Variants in ZFAND3 observed in about 807,000 individuals in gnomAD.
ZFAND3 encodes AN1-type zinc finger protein 3.
Under a neutral mutation model 29.6 loss-of-function variants are expected in ZFAND3, and 10 were observed. The observed-to-expected ratio is 0.34, with a 90% CI of 0.21 to 0.57. ZFAND3 has a LOEUF of 0.57. Among genes scored for constraint, ZFAND3 ranks in the 20% least tolerant of loss-of-function variants. The probability of loss-of-function intolerance (pLI) is 0.86; values close to 1 mark genes in which losing one functional copy is unlikely to be tolerated. For missense variants in ZFAND3, 230 were observed against 304.5 expected, an observed-to-expected ratio of 0.76 and a Z score of 1.82; for synonymous variants, 128 against 112.6, an observed-to-expected ratio of 1.14 and a Z score of -0.87.
At chr6:37,841,944 T>C (rs55837436) in intron 1 of ZFAND3, among the ~76,000 whole-genome samples, 10,136 of 152,236 alleles carry the variant, frequency 0.067, 399 homozygotes, top group Non-Finnish European at 0.085. Context: ...TTATTGCTCA[T>C]AGTTCTGGAG....
chr6:38,030,308 T>C (rs1412157875), intron 2 of ZFAND3, among the ~76,000 whole-genome samples: 1 of 151,862 alleles, frequency 6.6e-6, no homozygotes, highest in Non-Finnish European at 1.5e-5. Context: ...ATTACAGGCA[T>C]GATCTACTGC....
chr6:37,975,908 C>A (rs1762469519), intron 2 of ZFAND3, among the ~76,000 whole-genome samples: 1 of 152,102 alleles, frequency 6.6e-6, no homozygotes, highest in Admixed American at 6.5e-5. Flanking sequence ...TTGTCAGTTT[C>A]TCCCAAAAAT....
chr6:37,855,506 A>T (rs138534978), intron 1 of ZFAND3, among the ~76,000 whole-genome samples: 2 of 152,014 alleles, frequency 1.3e-5, no homozygotes, highest in Admixed American at 1.3e-4. Flanking sequence ...CCCGCCCCAT[A>T]TTCTTTGGCA....
chr6:38,133,930 G>A (rs190240989), intron 5 of ZFAND3, among the ~76,000 whole-genome samples: 45 of 152,260 alleles, frequency 3.0e-4, no homozygotes, highest in African/African-American at 1.0e-3. Context: ...CCCCAAAACA[G>A]TGAGGAGAGG....
At chr6:37,977,425 C>G (rs1762499306) in intron 2 of ZFAND3, among the ~76,000 whole-genome samples, 2 of 152,148 alleles carry the variant, frequency 1.3e-5, no homozygotes, top group South Asian at 4.1e-4. Context: ...CGTTAGCCTC[C>G]CGAGTAGCTA....
intron 4 of ZFAND3, 111 bp from the exon 5 acceptor site, chr6:38,116,461 T>A: frequency 7.7e-7 from 1 of 1,303,662 alleles, no homozygotes; most frequent in Admixed American, 2.2e-5. Flanking sequence ...CCTGTCTGAT[T>A]CCTGGACAAG....
chr6:38,024,045 C>G (rs965209357), intron 2 of ZFAND3, among the ~76,000 whole-genome samples: 9 of 152,216 alleles, frequency 5.9e-5, no homozygotes, highest in Admixed American at 3.3e-4. Flanking sequence ...ATCAAACAAA[C>G]GAGACGAAAC....
chr6:38,086,052 C>T (rs144922870), intron 4 of ZFAND3, among the ~76,000 whole-genome samples: 1 of 152,246 alleles, frequency 6.6e-6, no homozygotes, highest in East Asian at 1.9e-4. Flanking sequence ...GGTTGGTCTA[C>T]AACTATCAAA....
At chr6:37,873,213 G>C (rs1764728648) in intron 1 of ZFAND3, among the ~76,000 whole-genome samples, 2 of 152,234 alleles carry the variant, frequency 1.3e-5, no homozygotes, top group South Asian at 4.1e-4. Flanking sequence ...GAAGCTTGCG[G>C]TGAGCCGAGA....
rs548103920 is a variant in ZFAND3 at position 38,067,876 on chromosome 6, T to C, written c.295+6101T>C. Among the ~76,000 whole-genome samples, 7 of 152,320 alleles carry C rather than the reference T, an allele frequency of 4.6e-5. No individual in the cohort carries two copies. The East Asian group carries it at 1.3e-3, about 29-fold the overall frequency. ...CCTGTTTGGTAACATGATGTGCATG[T>C]CTACCTGAGTTTTTGGATTTTTCTT... On this transcript the variant is annotated intron_variant, in intron 3 of 5. Coordinates refer to ENST00000287218, the MANE Select transcript of ZFAND3 (RefSeq NM_021943.3).
chr6:38,003,729 C>T, intron 2 of ZFAND3: 1 of 401,532 alleles, frequency 2.5e-6, no homozygotes, highest in Non-Finnish European at 4.9e-6. Flanking sequence ...TGGCCTTGAA[C>T]TCCTGAGCTC....
At chr6:37,984,943 G>T (rs751984443) in intron 2 of ZFAND3, among the ~76,000 whole-genome samples, 14 of 152,140 alleles carry the variant, frequency 9.2e-5, no homozygotes, top group South Asian at 2.1e-4. Flanking sequence ...ACTTTTTTCA[G>T]CAGTCTCAAA....
At chr6:38,066,590 A>G (rs142070263) in intron 3 of ZFAND3, among the ~76,000 whole-genome samples, 9 of 152,348 alleles carry the variant, frequency 5.9e-5, no homozygotes, top group African/African-American at 4.8e-5. Flanking sequence ...TAGAAGTGCT[A>G]CATTTTGTTT....
intron 3 of ZFAND3, among the ~76,000 whole-genome samples, chr6:38,069,065 A>C (rs897149676): frequency 6.6e-6 from 1 of 152,154 alleles, no homozygotes; most frequent in African/African-American, 2.4e-5. Flanking sequence ...GACAAGCCTT[A>C]ATCTGTTCCC....
rs1188593547 is a variant in ZFAND3, at chr6:38,152,695, T to C, written c.*306T>C. On this transcript the variant is annotated 3_prime_UTR_variant, in exon 6 of 6. Coordinates refer to ENST00000287218, the MANE Select transcript of ZFAND3 (RefSeq NM_021943.3). Reference sequence around the variant, plus strand: ...CCTGTCACTGCTGGAGTCAAACTTATAAAAAGCCTTAAGTGGAAAGTGTTC... The same window carrying C: ...CCTGTCACTGCTGGAGTCAAACTTACAAAAAGCCTTAAGTGGAAAGTGTTC... 1.2e-5 allele frequency: 13 copies of C among 1,076,638 alleles called. No individual in the cohort carries two copies. The highest frequency in any genetic ancestry group is 1.5e-5 in the Non-Finnish European group (13 of 889,878). The allele number at this position is 1,076,638 out of a possible 1,614,324, so 66.7% of individuals were successfully genotyped here.
At chr6:38,078,483 T>A (rs993166480) in intron 3 of ZFAND3, among the ~76,000 whole-genome samples, 1 of 152,232 alleles carries the variant, frequency 6.6e-6, no homozygotes, top group Admixed American at 6.5e-5. Flanking sequence ...TAATTTGCTT[T>A]AGCAAAAGAA....
intron 4 of ZFAND3, among the ~76,000 whole-genome samples, chr6:38,103,753 A>T (rs1765155103): frequency 6.6e-6 from 1 of 152,062 alleles, no homozygotes; most frequent in Non-Finnish European, 1.5e-5. Context: ...AAATTAGGGG[A>T]CTTGGGCATG....
chr6:37,865,812 T>C, intron 1 of ZFAND3, among the ~76,000 whole-genome samples: 1 of 152,194 alleles, frequency 6.6e-6, no homozygotes, highest in East Asian at 1.9e-4. Flanking sequence ...ACAAAGAGTG[T>C]GGTCCGTAGG....
In ZFAND3 at chr6:37,886,225, G is replaced by C. The variant is rs1286611354; in HGVS notation, c.72-43734G>C. Among the ~76,000 whole-genome samples the C allele has an allele frequency of 4.8e-5, 5 of 103,910 alleles. No individual in the cohort carries two copies. In the East Asian group the frequency reaches 1.2e-3, roughly 25 times the overall value. The allele number at this position is 103,910 out of a possible 152,430, so 68.2% of individuals were successfully genotyped here. On this transcript the variant is annotated intron_variant, in intron 1 of 5. Coordinates refer to ENST00000287218, the MANE Select transcript of ZFAND3 (RefSeq NM_021943.3). ...TGCACTCCAGCCTAGGCTACAGAGCGAGACTCTGTCTCAAAAAAAAAAAAA... is the reference window on the plus strand; with the variant it reads ...TGCACTCCAGCCTAGGCTACAGAGCCAGACTCTGTCTCAAAAAAAAAAAAA...
Sources: allele counts gnomAD v4.1 joint callset (sites outside exome capture counted in the v4.1 genomes callset), GRCh38; gene constraint gnomAD v4.1.1; transcripts MANE v1.5; gene names NCBI Gene and HGNC (gene_info 2026-07-23, HGNC 2026-07-21).